The following DNM3 variants were observed in gnomAD, a reference collection of about 807,000 sequenced individuals.
The protein encoded by DNM3 is dynamin-3.
DNM3 carries 47 observed loss-of-function variants against 101.6 expected under a neutral mutation model. The ratio of observed to expected loss-of-function variants is 0.46; its 90% CI spans 0.37 to 0.59. The LOEUF (loss-of-function observed/expected upper bound fraction) is 0.59. Among genes scored for constraint, DNM3 ranks in the 20% least tolerant of loss-of-function variants. The pLI is 0.00. For missense variants in DNM3, 849 were observed against 1,085.7 expected (o/e 0.78, Z 3.06); for synonymous variants, 385 against 387.9 (o/e 0.99, Z 0.09).
chr1:171,891,630 A>T (rs925671469), intron 1 of DNM3, among the ~76,000 whole-genome samples: 9 of 152,194 alleles, frequency 5.9e-5, no homozygotes, highest in South Asian at 4.2e-4. Flanking sequence ...ATTTCTTATG[A>T]CCTTGACAGT....
chr1:172,194,767 G>A (rs1042628904), intron 14 of DNM3, among the ~76,000 whole-genome samples: 5 of 152,002 alleles, frequency 3.3e-5, no homozygotes, highest in Admixed American at 3.3e-4. Context: ...CTGCATGTAA[G>A]ATGAGTCTCC....
intron 14 of DNM3, among the ~76,000 whole-genome samples, chr1:172,223,216 C>G (rs564567694): frequency 1.3e-5 from 2 of 151,620 alleles, no homozygotes; most frequent in Non-Finnish European, 2.9e-5. Context: ...GATCTCTTCC[C>G]ATCCTGCCCC....
intron 14 of DNM3, among the ~76,000 whole-genome samples, chr1:172,209,985 T>C (rs1458445892): frequency 6.6e-6 from 1 of 152,136 alleles, no homozygotes; most frequent in Non-Finnish European, 1.5e-5. Context: ...AATAATAATA[T>C]TGTAGCTAAC....
chr1:172,032,603 T>A, intron 5 of DNM3, 103 bp downstream of exon 5: 1 of 647,402 alleles, frequency 1.5e-6, no homozygotes, highest in Non-Finnish European at 2.5e-6. Context: ...GGTTTGGTTT[T>A]AATGCCTTCT....
At chr1:172,367,298 C>A (rs1262290762) in intron 17 of DNM3, among the ~76,000 whole-genome samples, 2 of 151,590 alleles carry the variant, frequency 1.3e-5, no homozygotes, top group African/African-American at 4.8e-5. Flanking sequence ...CTTTCCCAGA[C>A]AAACAAAAAC....
At chr1:171,861,960 C>A (rs1319366810) in intron 1 of DNM3, among the ~76,000 whole-genome samples, 3 of 152,012 alleles carry the variant, frequency 2.0e-5, no homozygotes, top group Non-Finnish European at 4.4e-5. Flanking sequence ...GTATAAATAG[C>A]TAATATGCAC....
chr1:172,032,317 C>A, intron 4 of DNM3, 85 bp from the exon 5 acceptor site: 1 of 965,154 alleles, frequency 1.0e-6, no homozygotes, highest in Non-Finnish European at 1.7e-6. Flanking sequence ...GGAAAATGTG[C>A]TTTACATTTA....
intron 2 of DNM3, among the ~76,000 whole-genome samples, chr1:171,942,301 G>C (rs2041872590): frequency 6.8e-6 from 1 of 147,494 alleles, no homozygotes; most frequent in Non-Finnish European, 1.5e-5. Flanking sequence ...TACTGGCACA[G>C]AGTTAAGCCT....
At chr1:172,038,181 T>C in intron 6 of DNM3, 138 bp from the exon 7 acceptor site, 1 of 1,098,832 alleles carries the variant, frequency 9.1e-7, no homozygotes, top group East Asian at 2.6e-5. Context: ...TAATAGTCAA[T>C]GTCAAATGCA....
rs562618178 is a variant in DNM3, at chr1:172,103,445, A to G, written c.1545+10570A>G. On this transcript the variant is annotated intron_variant, in intron 13 of 20. Coordinates refer to ENST00000627582, the MANE Select transcript of DNM3 (RefSeq NM_015569.5). ...TAGGGATTTTTCCATGTAAATTCGC[A>G]GACATAAAATGACAAAACTTCTTTG... 2.0e-4 allele frequency among the ~76,000 whole-genome samples: 31 copies of G among 152,292 alleles called. 2 individuals carry two copies. The South Asian group carries it at 5.2e-3, about 25-fold the overall frequency.
rs866403301 is a variant in DNM3 at position 172,261,449 on chromosome 1, A to G, written c.1769+7767A>G. On this transcript the variant is annotated intron_variant, in intron 15 of 20. Coordinates refer to ENST00000627582, the MANE Select transcript of DNM3 (RefSeq NM_015569.5). ...AATGCAGTTGTTATTAGTAGAGGCT[A>G]TGAAAAAGTTTTGCTGAGTACTATA... is the stretch of plus-strand genomic sequence containing the variant. Among the ~76,000 whole-genome samples, 7 of 152,210 alleles carry G rather than the reference A, an allele frequency of 4.6e-5. 1 individual carries two copies. Among genetic ancestry groups the G allele is most frequent in the Middle Eastern group, 6.3e-3 (2 of 316 alleles).
At chr1:172,343,828 A>ATT (rs1162693632) in intron 17 of DNM3, among the ~76,000 whole-genome samples, 1 of 152,170 alleles carries the variant, frequency 6.6e-6, no homozygotes, top group East Asian at 1.9e-4. Context: ...CAAAAGGTTT[A>ATT]TTATGTGAAC....
chr1:172,056,574 C>G (rs895309358), intron 10 of DNM3, among the ~76,000 whole-genome samples: 2 of 152,166 alleles, frequency 1.3e-5, no homozygotes, highest in African/African-American at 4.8e-5. Flanking sequence ...CACCCCCAAG[C>G]AGGGGCACAC....
intron 1 of DNM3, among the ~76,000 whole-genome samples, chr1:171,852,333 T>C (rs1197110124): frequency 6.6e-6 from 1 of 152,244 alleles, no homozygotes; most frequent in Non-Finnish European, 1.5e-5. Flanking sequence ...TGTAAGTAGA[T>C]GATACAACCA....
intron 16 of DNM3, chr1:172,309,845 C>T (rs2065005486): frequency 6.6e-6 from 1 of 152,166 alleles, no homozygotes; most frequent in Non-Finnish European, 1.5e-5. Context: ...AACAGAGTTT[C>T]AGGAATACAG....
chr1:172,150,801 G>A (rs2058097859), intron 14 of DNM3, among the ~76,000 whole-genome samples: 1 of 152,200 alleles, frequency 6.6e-6, no homozygotes, highest in East Asian at 1.9e-4. Context: ...CTTAGAACAG[G>A]GCCTGGCCCA....
intron 17 of DNM3, among the ~76,000 whole-genome samples, chr1:172,334,862 A>T (rs942809688): frequency 4.3e-4 from 64 of 150,396 alleles, no homozygotes; most frequent in African/African-American, 1.1e-3. Flanking sequence ...TTCACTAAAT[A>T]AAAAAAAACT....
At chr1:171,883,257 T>C (rs571054046) in intron 1 of DNM3, among the ~76,000 whole-genome samples, 3 of 151,878 alleles carry the variant, frequency 2.0e-5, no homozygotes, top group South Asian at 4.2e-4. Context: ...ACCTGTATAA[T>C]CCCTGATAGT....
chr1:172,134,942 A>C (rs1198409466), intron 14 of DNM3, among the ~76,000 whole-genome samples: 4 of 152,088 alleles, frequency 2.6e-5, no homozygotes, highest in African/African-American at 9.7e-5. Flanking sequence ...GAATGATGAG[A>C]AGTTTTTTAA....
Sources: allele counts gnomAD v4.1 joint callset (sites outside exome capture counted in the v4.1 genomes callset), GRCh38; gene constraint gnomAD v4.1.1; transcripts MANE v1.5; gene names NCBI Gene and HGNC (gene_info 2026-07-23, HGNC 2026-07-21).